The following SMIM35 variants were observed in gnomAD, a reference collection of about 807,000 sequenced individuals.
SMIM35 encodes the protein TMPRSS4 antisense RNA 1 (non-protein coding).
At chr11:118,043,944 T>C (rs2135085375) in intron 1 of SMIM35, among the ~76,000 whole-genome samples, 1 of 151,746 alleles carries the variant, frequency 6.6e-6, no homozygotes, top group East Asian at 1.9e-4. Flanking sequence ...ACTGTAATGG[T>C]GGCTGCAGAT....
intron 1 of SMIM35, among the ~76,000 whole-genome samples, chr11:118,085,904 A>G (rs960252236): frequency 6.6e-6 from 1 of 152,198 alleles, no homozygotes; most frequent in Non-Finnish European, 1.5e-5. Context: ...AAGCTGAGCA[A>G]AGTAGAGCTG....
intron 1 of SMIM35, among the ~76,000 whole-genome samples, chr11:118,048,872 G>C (rs181848414): frequency 4.5e-4 from 63 of 140,278 alleles, no homozygotes; most frequent in African/African-American, 1.6e-3. Context: ...GGCCAGGATG[G>C]GGAAGGGGAA....
At position 118,070,333 on chromosome 11, in the gene SMIM35, C is replaced by A. The variant is rs187802556; in HGVS notation, c.7+16418G>T. On this transcript the variant is annotated intron_variant, in intron 1 of 4. Transcript: ENST00000689828. ...CTGGGATTACAGGCACCTACCACCA[C>A]GCCCAGCTAATTTTTGTATTTTTAG... is the stretch of plus-strand genomic sequence containing the variant. Among the ~76,000 whole-genome samples, 477 of 152,214 alleles carry A rather than the reference C, an allele frequency of 3.1e-3. 2 individuals are homozygous for A. The highest frequency in any genetic ancestry group is 0.011 in the African/African-American group (465 of 41,542).
At chr11:118,010,698 A>AC (rs2058145350) in intron 4 of SMIM35, among the ~76,000 whole-genome samples, 1 of 152,140 alleles carries the variant, frequency 6.6e-6, no homozygotes, top group African/African-American at 2.4e-5. Flanking sequence ...TATGGCCAGG[A>AC]GGGGAGGGGC....
chr11:118,079,320 C>A (rs980383146), intron 1 of SMIM35, among the ~76,000 whole-genome samples: 1 of 152,184 alleles, frequency 6.6e-6, no homozygotes, highest in Non-Finnish European at 1.5e-5. Flanking sequence ...CCATTCCCTA[C>A]CTCCTTCCAT....
chr11:118,053,307 AACACACACAC>A (rs57912361), intron 1 of SMIM35, among the ~76,000 whole-genome samples: 14,286 of 142,030 alleles, frequency 0.1, 819 homozygotes, highest in Non-Finnish European at 0.13. Flanking sequence ...GACTCTCTAA[AACACACACAC>A]ACACACACAC....
chr11:118,043,798 A>G (rs1488538248), intron 1 of SMIM35, among the ~76,000 whole-genome samples: 6 of 135,844 alleles, frequency 4.4e-5, no homozygotes, highest in Non-Finnish European at 9.6e-5. Flanking sequence ...GAGAAACTCC[A>G]TCTCAAAAAA....
chr11:118,060,220 C>G (rs1224855347), intron 1 of SMIM35, among the ~76,000 whole-genome samples: 2 of 152,250 alleles, frequency 1.3e-5, no homozygotes, highest in Non-Finnish European at 2.9e-5. Flanking sequence ...AGTCTCTGCC[C>G]AGAGCCCAGA....
At chr11:118,073,152 G>A (rs1249563906) in intron 1 of SMIM35, among the ~76,000 whole-genome samples, 1 of 152,202 alleles carries the variant, frequency 6.6e-6, no homozygotes, top group Non-Finnish European at 1.5e-5. Flanking sequence ...TGGCCAGGCT[G>A]GTCTCAAACT....
Position 118,021,176 on chromosome 11 carries a change from A to T in SMIM35, c.8-5367T>A, listed in dbSNP as rs1345195853. ...TCATCTAACTCATGAAGTCAAAGTA[A>T]AGCTTTTAGAAGCTTACTCTGTAGG... On this transcript the variant is annotated intron_variant, in intron 1 of 4. Transcript: ENST00000689828. 2.6e-5 allele frequency among the ~76,000 whole-genome samples: 4 copies of T among 152,132 alleles called. 1 individual carries two copies. The South Asian group carries it at 8.3e-4, about 32-fold the overall frequency.
intron 1 of SMIM35, among the ~76,000 whole-genome samples, chr11:118,080,492 C>G (rs1297232040): frequency 6.6e-6 from 1 of 152,204 alleles, no homozygotes; most frequent in East Asian, 1.9e-4. Context: ...GGGGGTCAAG[C>G]TCTGTGCCTG....
intron 1 of SMIM35, chr11:118,025,631 A>G (rs1359775214): frequency 4.5e-6 from 2 of 447,738 alleles, no homozygotes; most frequent in South Asian, 3.2e-5. Flanking sequence ...CCACTTTTTA[A>G]TGGGGTTATT....
intron 1 of SMIM35, among the ~76,000 whole-genome samples, chr11:118,084,730 A>AGGC (rs1380284031): frequency 6.6e-6 from 1 of 152,240 alleles, no homozygotes; most frequent in Non-Finnish European, 1.5e-5. Flanking sequence ...GCACCAAGCC[A>AGGC]GGCACATCAC....
intron 1 of SMIM35, among the ~76,000 whole-genome samples, chr11:118,055,945 C>A (rs1435129887): frequency 6.6e-6 from 1 of 151,894 alleles, no homozygotes; most frequent in Non-Finnish European, 1.5e-5. Flanking sequence ...AAGGAAGCAT[C>A]CCTGGACTAT....
chr11:118,044,488 C>A (rs1244207622), intron 1 of SMIM35, among the ~76,000 whole-genome samples: 1 of 152,092 alleles, frequency 6.6e-6, no homozygotes, highest in Non-Finnish European at 1.5e-5. Flanking sequence ...TCTCCAGATG[C>A]CCCTCCAACT....
intron 1 of SMIM35, among the ~76,000 whole-genome samples, chr11:118,060,073 G>A (rs1944372914): frequency 6.6e-6 from 1 of 152,216 alleles, no homozygotes; most frequent in South Asian, 2.1e-4. Context: ...TCTGAGTGGG[G>A]TGCCAGGAGG....
chr11:118,006,592 A>G (rs957715753), intron 4 of SMIM35, among the ~76,000 whole-genome samples: 2 of 152,202 alleles, frequency 1.3e-5, no homozygotes, highest in Non-Finnish European at 2.9e-5. Context: ...AAATGAGTGC[A>G]TGGATGAATG....
intron 1 of SMIM35, chr11:118,031,732 C>G (rs761399793): frequency 6.6e-6 from 1 of 152,018 alleles, no homozygotes; most frequent in Non-Finnish European, 1.5e-5. Flanking sequence ...AAAATAATAA[C>G]TTTACAGATG....
chr11:118,028,860 A>T, intron 1 of SMIM35: 1 of 448,838 alleles, frequency 2.2e-6, no homozygotes, highest in Non-Finnish European at 4.5e-6. Flanking sequence ...GAGGAGGAAG[A>T]AGAAGAAAAA....
Sources: allele counts gnomAD v4.1 joint callset (sites outside exome capture counted in the v4.1 genomes callset), GRCh38; gene constraint gnomAD v4.1.1; transcripts MANE v1.5; gene names NCBI Gene and HGNC (gene_info 2026-07-23, HGNC 2026-07-21).